The following PLXNB2 variants were observed in gnomAD, a reference collection of about 807,000 sequenced individuals.
The protein encoded by PLXNB2 is plexin-B2.
In PLXNB2, 85 loss-of-function variants were observed where a neutral mutation model predicts 202.6. The ratio of observed to expected loss-of-function variants is 0.42; its 90% CI spans 0.35 to 0.50. The LOEUF (loss-of-function observed/expected upper bound fraction) is 0.50, where lower values mean the gene tolerates loss of function less well. PLXNB2 is among the 20% of genes least tolerant of loss of function. The pLI, the probability that PLXNB2 is intolerant of heterozygous loss-of-function variation, is 0.02. For missense variants in PLXNB2, 2,063 were observed against 2,586.2 expected (o/e 0.80, Z 4.39); for synonymous variants, 1,239 against 1,137.6 (o/e 1.09, Z -1.79).
At position 50,289,388 on chromosome 22, in the gene PLXNB2, C is replaced by T; in HGVS notation, c.1068+129G>A. The T allele has an allele frequency of 8.0e-7, 1 of 1,246,934 alleles. No homozygotes were observed. Among genetic ancestry groups the T allele is most frequent in the Non-Finnish European group, 1.1e-6 (1 of 924,350 alleles). 77.2% of individuals were successfully genotyped at this position (1,246,934 alleles called of 1,614,324 possible). A position where few individuals can be genotyped will look rare whatever the true frequency, so the allele number is the denominator to read the frequency against. On this transcript the variant is annotated intron_variant, in intron 3 of 36. Coordinates refer to ENST00000359337, the MANE Select transcript of PLXNB2 (RefSeq NM_012401.4). The surrounding 1 kb of genome is among the most constrained non-coding windows in gnomAD (Gnocchi z 8.0). ...TTGAGAGATGCGGCACCCACCCACG[C>T]AAGCGCCCAGGCTGGCGAGAGCCAC... is the stretch of plus-strand genomic sequence containing the variant.
Position 50,282,184 on chromosome 22 carries a change from C to T in PLXNB2, c.3117G>A (p.Thr1039=), listed in dbSNP as rs1234372437. Reference sequence around the variant, plus strand: ...GAGCTGAGCCCACGCCAGGACTGACCGTCATGGGCTGCAGGGATTCAGCCT... The same window carrying T: ...GAGCTGAGCCCACGCCAGGACTGACTGTCATGGGCTGCAGGGATTCAGCCT... The part of the protein sequence containing the change: ...PREAESLQPM[T]VVGTDYVFHN... The change falls in exon 19 of 37, where the codon ACG becomes ACA. Residue 1039 remains threonine, a splice_region_variant and synonymous_variant. Coordinates refer to ENST00000359337, the MANE Select transcript of PLXNB2 (RefSeq NM_012401.4). 6 of 1,609,140 alleles carry T rather than the reference C, an allele frequency of 3.7e-6. No individual in the cohort carries two copies. The highest frequency in any genetic ancestry group is 4.2e-6 in the Non-Finnish European group (5 of 1,178,644).
At chr22:50,302,168 G>T (rs1194393494) in intron 1 of PLXNB2, among the ~76,000 whole-genome samples, 1 of 152,236 alleles carries the variant, frequency 6.6e-6, no homozygotes, top group African/African-American at 2.4e-5. Context: ...GTCTGCCCAG[G>T]ATGAGCTGGG....
intron 1 of PLXNB2, among the ~76,000 whole-genome samples, chr22:50,298,525 A>G (rs1029890996): frequency 8.5e-5 from 13 of 152,294 alleles, no homozygotes; most frequent in East Asian, 3.9e-4. Context: ...CAGGCCCCCA[A>G]ACTCCTGCCA....
Position 50,282,099 on chromosome 22 carries a change from C to T in PLXNB2, c.3118-18G>A, listed in dbSNP as rs1448567797. The stretch of plus-strand genomic sequence containing the variant: ...CCCACCACCTGCAGGCAAGTCCCAG[C>T]TGTCAGCCCCCGGGCGCAGACCCCG... On this transcript the variant is annotated intron_variant, in intron 19 of 36. Coordinates refer to ENST00000359337, the MANE Select transcript of PLXNB2 (RefSeq NM_012401.4). The T allele has an allele frequency of 6.2e-7, 1 of 1,607,304 alleles. No individual in the cohort carries two copies. Among genetic ancestry groups the T allele is most frequent in the African/African-American group, 1.3e-5 (1 of 74,992 alleles).
At chr22:50,278,777 G>A in intron 28 of PLXNB2, 78 bp downstream of exon 28, 1 of 1,588,786 alleles carries the variant, frequency 6.3e-7, no homozygotes, top group Non-Finnish European at 8.6e-7. Context: ...GAGAAAGCTG[G>A]CCAGGCAGGA....
Position 50,280,681 on chromosome 22 carries a change from C to T in PLXNB2, c.3994-11G>A, listed in dbSNP as rs750913235. ...CAGGGTGTGGATGAACTGTAGGGGC[C>T]GGCGGTCAAAGCCTGCCCGGCGCCA... On this transcript the variant is annotated splice_polypyrimidine_tract_variant and intron_variant, in intron 24 of 36. Coordinates refer to ENST00000359337, the MANE Select transcript of PLXNB2 (RefSeq NM_012401.4). 75 of 1,608,918 alleles carry T rather than the reference C, an allele frequency of 4.7e-5. No homozygotes were observed. The highest frequency in any genetic ancestry group is 5.7e-5 in the Non-Finnish European group (67 of 1,177,872).
At chr22:50,278,758 C>T (rs2065785570) in intron 28 of PLXNB2, 62 bp from the exon 29 acceptor site, 1 of 1,584,148 alleles carries the variant, frequency 6.3e-7, no homozygotes, top group Non-Finnish European at 8.6e-7. Context: ...CTGCCCACCA[C>T]TCCCATATGA....
chr22:50,298,834 T>C (rs1055266773), intron 1 of PLXNB2, among the ~76,000 whole-genome samples: 3 of 152,212 alleles, frequency 2.0e-5, no homozygotes, highest in Non-Finnish European at 4.4e-5. Flanking sequence ...TCAGTAGAGA[T>C]GGGGCTTCAC....
chr22:50,283,118 G>GTGGA lies in PLXNB2; in HGVS notation c.2744_2747dup (p.Gly917ProfsTer23), dbSNP rs776683283. ...GGGAGCCCGTGTCCAGGTGGGTGCC[G>GTGGA]TGGATGGTCAGTGTGGTGCCGCCCG... is the stretch of plus-strand genomic sequence containing the variant. On this transcript the variant is annotated frameshift_variant, in exon 17 of 37. Transcript: ENST00000359337. LOFTEE classifies it high-confidence loss of function. The GTGGA allele has an allele frequency of 6.2e-7, 1 of 1,602,216 alleles. No individual in the cohort carries two copies. Among genetic ancestry groups the GTGGA allele is most frequent in the African/African-American group, 1.3e-5 (1 of 74,860 alleles).
Position 50,287,937 on chromosome 22 carries a change from C to T in PLXNB2, c.1481G>A (p.Arg494Gln), listed in dbSNP as rs1191484055. 1.0e-5 allele frequency: 16 copies of T among 1,584,550 alleles called. No homozygotes were observed. The highest frequency in any genetic ancestry group is 3.6e-5 in the Admixed American group (2 of 56,200). The change falls in exon 6 of 37, where the codon CGA becomes CAA. Residue 494 changes from arginine to glutamine, a missense_variant and splice_region_variant. Arg to Gln is a conservative substitution (Grantham distance 43). Transcript: ENST00000359337. ...PYCGWCVVEG[R>Q]CTRKAECPRA... ...TCCCCGAGCCACCCCAGGCACTCAC[C>T]GTCCCTCGACGACGCACCAGCCGCA...
rs1045643898 is a variant in PLXNB2 at position 50,288,497 on chromosome 22, G to A, written c.1380+246C>T. ...GACAGGGCAGAGGCGGGGCCAGAGG[G>A]AGAGACATGGTTGAGACCACAAAGG... On this transcript the variant is annotated intron_variant, in intron 5 of 36. Coordinates refer to ENST00000359337, the MANE Select transcript of PLXNB2 (RefSeq NM_012401.4). The surrounding 1 kb of genome is among the most constrained non-coding windows in gnomAD (Gnocchi z 5.0). Among the ~76,000 whole-genome samples, 5 of 152,230 alleles carry A rather than the reference G, an allele frequency of 3.3e-5. No individual in the cohort carries two copies. Among genetic ancestry groups the A allele is most frequent in the South Asian group, 4.2e-4 (2 of 4,818 alleles).
Position 50,287,748 on chromosome 22 carries a change from G to A in PLXNB2, c.1527C>T (p.His509=). 1 of 1,583,348 alleles carries A rather than the reference G, an allele frequency of 6.3e-7. No individual in the cohort carries two copies. Among genetic ancestry groups the A allele is most frequent in the Non-Finnish European group, 8.5e-7 (1 of 1,170,856 alleles). Residue 509 remains histidine (H), a synonymous_variant, in exon 7 of 37, where the codon CAC becomes CAT. Coordinates refer to ENST00000359337, the MANE Select transcript of PLXNB2 (RefSeq NM_012401.4). ...AECPRAEEAS[H]WLWSRSKSCV... is the part of the protein sequence containing the mutation. ...AGGACTTGCTTCGGCTCCACAGCCA[G>A]TGGCTGGCCTCCTCGGCCCGCGGAC...
In PLXNB2 at chr22:50,287,977, A is replaced by T. The variant is rs1224065571; in HGVS notation, c.1441T>A (p.Ser481Thr). ...SYPTCTQCRD[S>T]QDPYCGWCVV... The stretch of plus-strand genomic sequence containing the variant: ...CACCAGCCGCAGTAGGGGTCCTGGG[A>T]GTCGCGGCACTGGGTGCAGGTCGGG... The change falls in exon 6 of 37, where the codon TCC becomes ACC. Residue 481 changes from serine to threonine, a missense_variant. This residue lies in a region of PLXNB2 where 1,303 missense variants were observed against 1,476.8 expected (regional missense o/e 0.88). Coordinates refer to ENST00000359337, the MANE Select transcript of PLXNB2 (RefSeq NM_012401.4). 3 of 1,584,708 alleles carry T rather than the reference A, an allele frequency of 1.9e-6. No homozygotes were observed. The East Asian group carries it at 7.0e-5, about 37-fold the overall frequency.
In PLXNB2 at chr22:50,285,914, G is replaced by T; in HGVS notation, c.1987-13C>A. On this transcript the variant is annotated splice_polypyrimidine_tract_variant and intron_variant, in intron 10 of 36. Coordinates refer to ENST00000359337, the MANE Select transcript of PLXNB2 (RefSeq NM_012401.4). ...GACAGCTGTCCTCCTGGGAGAGTAA[G>T]GCTGGTCAGGTGCTGCCTGGGCACA... 6.2e-7 allele frequency: 1 copy of T among 1,610,036 alleles called. No homozygotes were observed. Among genetic ancestry groups the T allele is most frequent in the Non-Finnish European group, 8.5e-7 (1 of 1,177,536 alleles).
Position 50,289,087 on chromosome 22 carries a change from C to T in PLXNB2, c.1124G>A (p.Ser375Asn). The change falls in exon 4 of 37, where the codon AGC (serine) becomes AAC (asparagine). Residue 375 changes from serine (S) to asparagine (N), a missense_variant. Around this residue, in one of 2 missense-constraint regions of PLXNB2, gnomAD observed 1,303 missense variants for 1,476.8 expected, o/e 0.88. Transcript: ENST00000359337. The surrounding 1 kb of genome is among the most constrained non-coding windows in gnomAD (Gnocchi z 8.0). The stretch of plus-strand genomic sequence containing the variant: ...GGCTGTGCCTCTGAGCCCGTCGCGG[C>T]TGCCCAGCGGGTAGGGCAGGTGCTC... ...GSEHLPYPLG[S>N]RDGLRGTAVL... 6.3e-7 allele frequency: 1 copy of T among 1,598,578 alleles called. No homozygotes were observed. The highest frequency in any genetic ancestry group is 8.5e-7 in the Non-Finnish European group (1 of 1,173,070).
In PLXNB2 at chr22:50,279,008, C is replaced by A. The variant is rs1305130308; in HGVS notation, c.4393G>T (p.Val1465Leu). The A allele has an allele frequency of 6.2e-7, 1 of 1,605,066 alleles. No individual in the cohort carries two copies. Reference protein sequence around the residue: ...GDDVEYAPLTVSVIVQDEGVD... With the variant: ...GDDVEYAPLTLSVIVQDEGVD... ...CCCTCGTCCTGCACGATCACGCTCACCGTCTGCCGAGACATCCGGGATGAA... is the reference window on the plus strand; with the variant it reads ...CCCTCGTCCTGCACGATCACGCTCAACGTCTGCCGAGACATCCGGGATGAA... The change falls in exon 28 of 37, where the codon GTG (valine) becomes TTG (leucine). Residue 1465 changes from valine (V) to leucine (L), a missense_variant. Val to Leu is a conservative substitution (Grantham distance 32). Transcript: ENST00000359337.
chr22:50,276,927 T>G (rs776295905), intron 33 of PLXNB2, 21 bp from the exon 34 acceptor site: 3 of 1,578,552 alleles, frequency 1.9e-6, no homozygotes, highest in Non-Finnish European at 2.6e-6. Flanking sequence ...CAAAACCCAG[T>G]GATGCCTGGC....
At chr22:50,290,698 G>A in intron 2 of PLXNB2, 101 bp from the exon 3 acceptor site, 1 of 1,259,292 alleles carries the variant, frequency 7.9e-7, no homozygotes, top group East Asian at 2.6e-5. Context: ...GGGAGAGAGG[G>A]TCACGCCACT....
Position 50,284,656 on chromosome 22 carries a change from G to T in PLXNB2, c.2098C>A (p.Leu700Met). 6.2e-7 allele frequency: 1 copy of T among 1,612,414 alleles called. No individual in the cohort carries two copies. The highest frequency in any genetic ancestry group is 1.1e-5 in the South Asian group (1 of 91,064). The change falls in exon 12 of 37, where the codon CTG (leucine) becomes ATG (methionine). Residue 700 changes from leucine to methionine, a missense_variant. This residue lies in a region of PLXNB2 where 1,303 missense variants were observed against 1,476.8 expected (regional missense o/e 0.88). Transcript: ENST00000359337. The surrounding 1 kb of genome is among the most constrained non-coding windows in gnomAD (Gnocchi z 8.0). Reference protein sequence around the residue: ...KNLDTVKGSSLHVGSDLLKFM... With the variant: ...KNLDTVKGSSMHVGSDLLKFM... Reference sequence around the variant, plus strand: ...TTGAGCAAGTCACTGCCCACGTGCAGGGAGGAACCCTGCAGACCATGCCGT... The same window carrying T: ...TTGAGCAAGTCACTGCCCACGTGCATGGAGGAACCCTGCAGACCATGCCGT...
Sources: allele counts gnomAD v4.1 joint callset (sites outside exome capture counted in the v4.1 genomes callset), GRCh38; gene constraint gnomAD v4.1.1; regional missense constraint gnomAD v4.1.1; non-coding constraint Gnocchi (gnomAD v3.1); transcripts MANE v1.5; gene names NCBI Gene and HGNC (gene_info 2026-07-23, HGNC 2026-07-21).